Variants in C1QTNF8 observed in about 807,000 individuals in gnomAD.
C1QTNF8 encodes the protein complement C1q tumor necrosis factor-related protein 8.
In C1QTNF8, 27 loss-of-function variants were observed where a neutral mutation model predicts 19.2. The observed-to-expected ratio is 1.41, with a 90% CI of 1.04 to 1.94. C1QTNF8 has a LOEUF of 1.94. C1QTNF8 is among the 30% of genes most tolerant of loss of function. The pLI is 0.00. For synonymous variants in C1QTNF8, 208 were observed against 172.8 expected (o/e 1.20, Z -1.60); for missense variants, 484 against 374.4 (o/e 1.29, Z -2.42).
chr16:1,093,967 CG>C lies in C1QTNF8; in HGVS notation c.292del (p.Arg98AlafsTer46). The C allele has an allele frequency of 3.4e-6, 5 of 1,481,200 alleles. No individual in the cohort carries two copies. Among genetic ancestry groups the C allele is most frequent in the South Asian group, 1.3e-5 (1 of 74,996 alleles). 91.8% of individuals were successfully genotyped at this position (1,481,200 alleles called of 1,614,324 possible). ...CCCCACCTGCCCCTTCTGGCCTCTG[CG>C]GCCCTGCAGGCCCCGGGCGCCTGGC... ...GPPGARGLQG[R>X]RGQKGQVGPP... On this transcript the variant is annotated frameshift_variant, in exon 4 of 5. Transcript: ENST00000328449. LOFTEE classifies it high-confidence loss of function.
chr16:1,092,015 A>G (rs1333430882), intron 4 of C1QTNF8, among the ~76,000 whole-genome samples: 2 of 152,248 alleles, frequency 1.3e-5, no homozygotes, highest in African/African-American at 4.8e-5. Context: ...TTTTATAAGC[A>G]GAATGGCCCC....
chr16:1,093,559 T>TGCTC lies in C1QTNF8; in HGVS notation c.697_700dup (p.His234ArgfsTer142), dbSNP rs780234486. 117 of 1,590,696 alleles carry TGCTC rather than the reference T, an allele frequency of 7.4e-5. No individual in the cohort carries two copies. The highest frequency in any genetic ancestry group is 1.4e-4 in the Admixed American group (8 of 58,238). ...GCTGAAGGTGATGTAGAGGTCTCCG[T>TGCTC]GCTCGCCGTAGATGGCGTTGTCCCG... On this transcript the variant is annotated frameshift_variant, in exon 4 of 5. Transcript: ENST00000328449. LOFTEE classifies it high-confidence loss of function.
At chr16:1,092,024 C>A (rs1313309487) in intron 4 of C1QTNF8, among the ~76,000 whole-genome samples, 2 of 152,236 alleles carry the variant, frequency 1.3e-5, no homozygotes, top group Non-Finnish European at 2.9e-5. Context: ...CAGAATGGCC[C>A]CTCGGCCGTG....
At position 1,093,677 on chromosome 16, in the gene C1QTNF8, G is replaced by T. The variant is rs771642126; in HGVS notation, c.583C>A (p.Gln195Lys). The T allele has an allele frequency of 5.6e-6, 9 of 1,611,724 alleles. No individual in the cohort carries two copies. The highest frequency in any genetic ancestry group is 1.3e-5 in the African/African-American group (1 of 74,904). ...TGCATGACGCTGCGCTCGCTGGGCT[G>T]CGCGTAGAGCACGGCCGCGGGCCGC... Reference protein sequence around the residue: ...NRRPAAVLYAQPSERSVMQAQ... With the variant: ...NRRPAAVLYAKPSERSVMQAQ... Residue 195 changes from glutamine (Q) to lysine (K), a missense_variant, in exon 4 of 5, where the codon CAG becomes AAG. Gln to Lys is a moderately conservative substitution (Grantham distance 53). Coordinates refer to ENST00000328449, the MANE Select transcript of C1QTNF8 (RefSeq NM_207419.3).
Position 1,089,244 on chromosome 16 carries a change from C to T in C1QTNF8, c.*1355G>A, listed in dbSNP as rs1242279164. 6.6e-6 allele frequency among the ~76,000 whole-genome samples: 1 copy of T among 152,266 alleles called. No individual in the cohort carries two copies. Among genetic ancestry groups the T allele is most frequent in the Admixed American group, 6.5e-5 (1 of 15,298 alleles). ...CTCCCATCCAGCCCTGCTCTCTCAC[C>T]GGGGCCAAGAACCTCTGCATGGCCA... is the stretch of plus-strand genomic sequence containing the variant. On this transcript the variant is annotated 3_prime_UTR_variant, in exon 5 of 5. Coordinates refer to ENST00000328449, the MANE Select transcript of C1QTNF8 (RefSeq NM_207419.3).
chr16:1,092,091 G>A (rs899585897), intron 4 of C1QTNF8, among the ~76,000 whole-genome samples: 1 of 152,244 alleles, frequency 6.6e-6, no homozygotes, highest in African/African-American at 2.4e-5. Context: ...GAGGCACCCA[G>A]CTCGCTCTAC....
At position 1,089,110 on chromosome 16, in the gene C1QTNF8, A is replaced by T. The variant is rs1960491732; in HGVS notation, c.*1489T>A. Among the ~76,000 whole-genome samples, 3 of 152,104 alleles carry T rather than the reference A, an allele frequency of 2.0e-5. No individual in the cohort carries two copies. Among genetic ancestry groups the T allele is most frequent in the African/African-American group, 7.2e-5 (3 of 41,414 alleles). On this transcript the variant is annotated 3_prime_UTR_variant, in exon 5 of 5. Transcript: ENST00000328449. ...GCCGGGCCAGGGCCAGGGCCAGGGA[A>T]AGGAACGGTTGTCTGGGATTCTGGG...
At chr16:1,091,735 C>T (rs1960547924) in intron 4 of C1QTNF8, among the ~76,000 whole-genome samples, 1 of 152,168 alleles carries the variant, frequency 6.6e-6, no homozygotes, top group Admixed American at 6.5e-5. Flanking sequence ...CTTCCTCCAG[C>T]CCCCACACAT....
At chr16:1,091,515 C>T (rs1960543628) in intron 4 of C1QTNF8, among the ~76,000 whole-genome samples, 1 of 152,066 alleles carries the variant, frequency 6.6e-6, no homozygotes, top group Admixed American at 6.5e-5. Context: ...CTGCTCCAGC[C>T]GGGGAGGGTA....
rs1247522252 is a variant in C1QTNF8 at position 1,093,882 on chromosome 16, G to T, written c.378C>A (p.Gly126=). 3 of 1,573,642 alleles carry T rather than the reference G, an allele frequency of 1.9e-6. No homozygotes were observed. The highest frequency in any genetic ancestry group is 1.7e-6 in the Non-Finnish European group (2 of 1,168,072). ...YAAFSVGRRE[G]LHSSDHFQAV... is the part of the protein sequence containing the mutation. ...CCTGGAAGTGGTCGGAGCTGTGCAG[G>T]CCCTCGCGCCGGCCCACGGAGAAGG... Residue 126 remains glycine (G), a synonymous_variant, in exon 4 of 5, where the codon GGC becomes GGA. Transcript: ENST00000328449.
rs1960621296 is a variant in C1QTNF8, at chr16:1,093,758, G to C, written c.502C>G (p.Leu168Val). The C allele has an allele frequency of 4.3e-6, 7 of 1,612,176 alleles. No homozygotes were observed. Among genetic ancestry groups the C allele is most frequent in the Non-Finnish European group, 5.1e-6 (6 of 1,179,728 alleles). ...CTVPGVYFLS[L>V]NVHTWNYKET... ...TTGTAGTTCCAGGTGTGCACGTTGA[G>C]GCTGAGGAAGTAGACGCCGGGCACC... The change falls in exon 4 of 5, where the codon CTC (leucine) becomes GTC (valine). Residue 168 changes from leucine to valine, a missense_variant. Physicochemically the swap from Leu to Val is conservative, Grantham distance 32. Transcript: ENST00000328449.
rs1037649547 is a variant in C1QTNF8, at chr16:1,088,532, C to A, written c.*2067G>T. Among the ~76,000 whole-genome samples the A allele has an allele frequency of 1.3e-5, 2 of 152,240 alleles. No homozygotes were observed. Among genetic ancestry groups the A allele is most frequent in the Non-Finnish European group, 1.5e-5 (1 of 68,046 alleles). On this transcript the variant is annotated 3_prime_UTR_variant, in exon 5 of 5. Coordinates refer to ENST00000328449, the MANE Select transcript of C1QTNF8 (RefSeq NM_207419.3). ...CAAGCATCCCTCTTTCCGCTCCCAC[C>A]TGGCACTGGCAGCGTCCCTCAGGCT...
At chr16:1,092,027 C>T (rs979184525) in intron 4 of C1QTNF8, among the ~76,000 whole-genome samples, 6 of 152,226 alleles carry the variant, frequency 3.9e-5, no homozygotes, top group African/African-American at 7.2e-5. Context: ...AATGGCCCCT[C>T]GGCCGTGAGG....
upstream of C1QTNF8, chr16:1,096,283 G>A (rs1022496293): frequency 1.2e-4 from 19 of 152,362 alleles, no homozygotes; most frequent in African/African-American, 4.6e-4. Flanking sequence ...GCTCCGCCGA[G>A]CCCTGGACAG....
At position 1,095,964 on chromosome 16, in the gene C1QTNF8, C is replaced by T. The variant is rs372696949; in HGVS notation, c.-185-176G>A. Among the ~76,000 whole-genome samples, 11 of 152,220 alleles carry T rather than the reference C, an allele frequency of 7.2e-5. No homozygotes were observed. In the South Asian group the frequency reaches 1.0e-3, roughly 14 times the overall value. On this transcript the variant is annotated intron_variant, in intron 1 of 4. Coordinates refer to ENST00000328449, the MANE Select transcript of C1QTNF8 (RefSeq NM_207419.3). ...TGGCAGGAGTGGGTGTGTGCATGCA[C>T]GGAGGCCTGCAGGAGCCCCCACGGA...
rs1960672773 is a variant in C1QTNF8, at chr16:1,095,734, G to C, written c.-131C>G. 6.6e-6 allele frequency: 1 copy of C among 152,302 alleles called. No homozygotes were observed. The highest frequency in any genetic ancestry group is 2.4e-5 in the African/African-American group (1 of 41,448). The allele number at this position is 152,302 out of a possible 1,614,324, so 9.4% of individuals were successfully genotyped here. On this transcript the variant is annotated 5_prime_UTR_variant, in exon 2 of 5. Transcript: ENST00000328449. The stretch of plus-strand genomic sequence containing the variant: ...TGGGCTCTGCTGGACAAAGATCTAG[G>C]CTGCCTCCTTCAGGAAGCCCTCTGG...
rs1312594744 is a variant in C1QTNF8 at position 1,090,336 on chromosome 16, G to A, written c.*263C>T. ...GACAGAGCCCCTCTCCCTGCAGAGG[G>A]GCCATGTGTGCACAGCAAATGGCGG... On this transcript the variant is annotated 3_prime_UTR_variant, in exon 5 of 5. Transcript: ENST00000328449. The A allele has an allele frequency of 6.6e-6, 1 of 152,362 alleles. No homozygotes were observed. Among genetic ancestry groups the A allele is most frequent in the Non-Finnish European group, 1.5e-5 (1 of 68,178 alleles). The allele number at this position is 152,362 out of a possible 1,614,324, so 9.4% of individuals were successfully genotyped here. A position where few individuals can be genotyped will look rare whatever the true frequency, so the allele number is the denominator to read the frequency against.
intron 1 of C1QTNF8, 133 bp from the exon 2 acceptor site, chr16:1,095,921 C>T (rs912657969): frequency 6.6e-6 from 1 of 152,332 alleles, no homozygotes; most frequent in Non-Finnish European, 1.5e-5. Context: ...CCCCTGGACT[C>T]CTCCGGCAGA....
rs771982227 is a variant in C1QTNF8 at position 1,094,067 on chromosome 16, G to A, written c.209-16C>T. ...CCCTTCTCACCTGCAGGGGACAAAC[G>A]AAAGCCACGGGTCGGGGCCGGGCTG... On this transcript the variant is annotated splice_polypyrimidine_tract_variant and intron_variant, in intron 3 of 4. Coordinates refer to ENST00000328449, the MANE Select transcript of C1QTNF8 (RefSeq NM_207419.3). The A allele has an allele frequency of 2.2e-5, 32 of 1,427,796 alleles. No individual in the cohort carries two copies. Among genetic ancestry groups the A allele is most frequent in the African/African-American group, 3.0e-5 (2 of 66,782 alleles). The allele number at this position is 1,427,796 out of a possible 1,614,324, so 88.4% of individuals were successfully genotyped here.
Sources: allele counts gnomAD v4.1 joint callset (sites outside exome capture counted in the v4.1 genomes callset), GRCh38; gene constraint gnomAD v4.1.1; transcripts MANE v1.5; gene names NCBI Gene and HGNC (gene_info 2026-07-23, HGNC 2026-07-21).